WWOX: variants seen among roughly 807,000 people sequenced by gnomAD.
WWOX encodes WW domain-containing oxidoreductase.
Under a neutral mutation model 46.2 loss-of-function variants are expected in WWOX, and 69 were observed. The ratio of observed to expected loss-of-function variants is 1.49; its 90% CI spans 1.23 to 1.82. WWOX has a LOEUF of 1.82. Ranked by LOEUF, WWOX falls within the 40% of genes most tolerant of loss-of-function variation. The pLI is 0.00. For synonymous variants in WWOX, 359 were observed against 202.6 expected (o/e 1.77, Z -6.56); for missense variants, 919 against 542.6 (o/e 1.69, Z -6.89).
At chr16:79,128,438 C>G (rs1353293867) in intron 8 of WWOX, among the ~76,000 whole-genome samples, 1 of 151,634 alleles carries the variant, frequency 6.6e-6, no homozygotes, top group Non-Finnish European at 1.5e-5. Flanking sequence ...TTTCAGCAAC[C>G]CTGTAAAGTC....
intron 8 of WWOX, among the ~76,000 whole-genome samples, chr16:79,034,126 C>T (rs1020211263): frequency 6.6e-6 from 1 of 152,170 alleles, no homozygotes; most frequent in Non-Finnish European, 1.5e-5. Flanking sequence ...TTATTATGCA[C>T]TCTTGACATT....
chr16:78,523,515 T>G (rs2043393538), intron 8 of WWOX, among the ~76,000 whole-genome samples: 1 of 152,258 alleles, frequency 6.6e-6, no homozygotes, highest in Non-Finnish European at 1.5e-5. Context: ...TCCTTGTGAA[T>G]TTTAAATGCT....
intron 8 of WWOX, among the ~76,000 whole-genome samples, chr16:78,516,981 C>G (rs1567617422): frequency 6.6e-6 from 1 of 152,088 alleles, no homozygotes; most frequent in Non-Finnish European, 1.5e-5. Context: ...ATCATTTTTC[C>G]TCCTCCTTGA....
intron 1 of WWOX, among the ~76,000 whole-genome samples, chr16:78,101,048 C>CTTTTT (rs111425708): frequency 6.8e-6 from 1 of 147,844 alleles, no homozygotes; most frequent in Non-Finnish European, 1.5e-5. Context: ...GAGGGTTTTT[C>CTTTTT]TTTTTTTTTT....
rs182007615 is a variant in WWOX, at chr16:78,514,618, C to A, written c.1056+81866C>A. Among the ~76,000 whole-genome samples the A allele has an allele frequency of 1.2e-3, 186 of 152,210 alleles. 1 individual carries two copies. Among genetic ancestry groups the A allele is most frequent in the African/African-American group, 4.3e-3 (178 of 41,520 alleles). On this transcript the variant is annotated intron_variant, in intron 8 of 8. Transcript: ENST00000566780. The stretch of plus-strand genomic sequence containing the variant: ...CCAGATTTCCTTACCTGTCCCAGGG[C>A]AAGATAGCAAGAGTTTCTTGATGCA...
intron 8 of WWOX, among the ~76,000 whole-genome samples, chr16:79,201,807 C>CT (rs5818212): frequency 0.62 from 94,633 of 151,882 alleles, 30,366 homozygotes; most frequent in Non-Finnish European, 0.7. Flanking sequence ...AAATTGAAAC[C>CT]TGACAATGTA....
chr16:78,402,816 G>C (rs1045043430), intron 6 of WWOX, among the ~76,000 whole-genome samples: 1 of 152,180 alleles, frequency 6.6e-6, no homozygotes, highest in Non-Finnish European at 1.5e-5. Context: ...TAACCAATCA[G>C]TGCTGGCTCC....
At chr16:78,352,890 A>T (rs12449092) in intron 5 of WWOX, among the ~76,000 whole-genome samples, 107,231 of 152,034 alleles carry the variant, frequency 0.71, 38,667 homozygotes, top group African/African-American at 0.76. Context: ...AAGAAACTGG[A>T]TAGGAGTATA....
At chr16:78,529,170 G>A (rs1475353920) in intron 8 of WWOX, among the ~76,000 whole-genome samples, 1 of 151,940 alleles carries the variant, frequency 6.6e-6, no homozygotes, top group Non-Finnish European at 1.5e-5. Flanking sequence ...GCCCAGGCTG[G>A]TCTTGAACTC....
chr16:78,314,713 T>TTTG (rs1567494594), intron 5 of WWOX, among the ~76,000 whole-genome samples: 43 of 139,254 alleles, frequency 3.1e-4, no homozygotes, highest in African/African-American at 1.0e-3. Flanking sequence ...TTTTTTTTTT[T>TTTG]TTTTTTTTCT....
intron 8 of WWOX, among the ~76,000 whole-genome samples, chr16:79,178,504 A>G (rs749971414): frequency 6.6e-6 from 1 of 152,104 alleles, no homozygotes; most frequent in Non-Finnish European, 1.5e-5. Flanking sequence ...TTTTGTAGAG[A>G]CAAGGTCTCA....
At chr16:78,544,640 C>T (rs770270226) in intron 8 of WWOX, among the ~76,000 whole-genome samples, 1 of 152,136 alleles carries the variant, frequency 6.6e-6, no homozygotes, top group Non-Finnish European at 1.5e-5. Context: ...AATTCCAGCA[C>T]TTTGAGAGGA....
At chr16:78,430,351 C>T (rs2082044407) in intron 7 of WWOX, among the ~76,000 whole-genome samples, 1 of 152,098 alleles carries the variant, frequency 6.6e-6, no homozygotes, top group African/African-American at 2.4e-5. Flanking sequence ...CCGTATCAGT[C>T]ACCCTCCAAA....
At chr16:78,392,300 C>T (rs1417768830) in intron 6 of WWOX, among the ~76,000 whole-genome samples, 2 of 152,098 alleles carry the variant, frequency 1.3e-5, no homozygotes, top group African/African-American at 4.8e-5. Context: ...GGGATCTAGG[C>T]TGCATGCTCC....
At chr16:79,004,490 C>G (rs369937304) in intron 8 of WWOX, 1 of 152,266 alleles carries the variant, frequency 6.6e-6, no homozygotes, top group Non-Finnish European at 1.5e-5. Flanking sequence ...CCGTGTCAAC[C>G]AGCTTTGCTG....
chr16:78,966,692 G>C (rs970920552), intron 8 of WWOX, among the ~76,000 whole-genome samples: 2 of 152,082 alleles, frequency 1.3e-5, no homozygotes, highest in African/African-American at 2.4e-5. Flanking sequence ...TGAGTCAAAG[G>C]GTGCACACTG....
intron 8 of WWOX, among the ~76,000 whole-genome samples, chr16:78,691,926 A>C (rs113031189): frequency 6.6e-6 from 1 of 152,128 alleles, no homozygotes; most frequent in South Asian, 2.1e-4. Context: ...TTCCCATGCT[A>C]TTCTCATAAT....
intron 8 of WWOX, among the ~76,000 whole-genome samples, chr16:78,979,528 C>T (rs183049684): frequency 6.3e-4 from 96 of 152,260 alleles, no homozygotes; most frequent in Non-Finnish European, 1.1e-3. Context: ...GCCCTCACTC[C>T]CTGGAATCAG....
intron 8 of WWOX, chr16:78,691,379 C>G (rs1427037845): frequency 1.5e-6 from 1 of 680,240 alleles, no homozygotes; most frequent in Admixed American, 2.1e-5. Flanking sequence ...AAGGAAATCT[C>G]CTAAGTTGGC....
Sources: allele counts gnomAD v4.1 joint callset (sites outside exome capture counted in the v4.1 genomes callset), GRCh38; gene constraint gnomAD v4.1.1; transcripts MANE v1.5; gene names NCBI Gene and HGNC (gene_info 2026-07-23, HGNC 2026-07-21).